Variants in SMCHD1 observed in about 807,000 individuals in gnomAD.
SMCHD1 encodes structural maintenance of chromosomes flexible hinge domain-containing protein 1.
SMCHD1 carries 78 observed loss-of-function variants against 254.7 expected under a neutral mutation model. That is an observed-to-expected ratio of 0.31 (90% CI 0.26 to 0.37). SMCHD1 has a LOEUF of 0.37. Ranked by LOEUF, SMCHD1 falls within the 10% of genes least tolerant of loss-of-function variation. The pLI is 1.00. For synonymous variants in SMCHD1, 766 were observed against 794.9 expected (o/e 0.96, Z 0.61); for missense variants, 1,840 against 2,408.1 (o/e 0.76, Z 4.94).
chr18:2,675,205 A>C (rs1346308579), intron 5 of SMCHD1, among the ~76,000 whole-genome samples: 1 of 152,096 alleles, frequency 6.6e-6, no homozygotes, highest in Non-Finnish European at 1.5e-5. Context: ...AACAGTCAAT[A>C]AATATAAGCT....
At position 2,803,562 on chromosome 18, in the gene SMCHD1, C is replaced by T. The variant is rs1054898079; in HGVS notation, c.*1010C>T. 2.0e-5 allele frequency: 3 copies of T among 152,160 alleles called. No homozygotes were observed. Among genetic ancestry groups the T allele is most frequent in the African/African-American group, 7.2e-5 (3 of 41,530 alleles). The allele number at this position is 152,160 out of a possible 1,614,324, so 9.4% of individuals were successfully genotyped here. ...CAGGAAATGTATGTGTTTTTAAACC[C>T]TTTCTAAATATGCAGGCCATTAATA... On this transcript the variant is annotated 3_prime_UTR_variant, in exon 48 of 48. Transcript: ENST00000320876.
intron 3 of SMCHD1, among the ~76,000 whole-genome samples, chr18:2,670,070 C>A (rs2073553932): frequency 6.6e-6 from 1 of 152,154 alleles, no homozygotes; most frequent in Non-Finnish European, 1.5e-5. Flanking sequence ...CATCCCTGTC[C>A]ATAAAAGGTT....
intron 37 of SMCHD1, among the ~76,000 whole-genome samples, chr18:2,766,922 TCAAA>T (rs1356031059): frequency 3.3e-5 from 5 of 152,148 alleles, no homozygotes; most frequent in African/African-American, 9.7e-5. Context: ...AGATTCCTCT[TCAAA>T]CAAGATAAAA....
Position 2,762,206 on chromosome 18 carries a change from C to G in SMCHD1, c.4536C>G (p.Thr1512=). ...VSNVRSVASR[T]LVRDLHLSIT... The stretch of plus-strand genomic sequence containing the variant: ...ATGTTCGCTCAGTTGCCAGTAGGAC[C>G]TTGGTCAGAGATCTACATCTTAGTA... The change falls in exon 36 of 48, where the codon ACC becomes ACG. Residue 1512 remains threonine (T), a synonymous_variant. Coordinates refer to ENST00000320876, the MANE Select transcript of SMCHD1 (RefSeq NM_015295.3). 3 of 1,613,496 alleles carry G rather than the reference C, an allele frequency of 1.9e-6. No individual in the cohort carries two copies. The highest frequency in any genetic ancestry group is 2.2e-5 in the East Asian group (1 of 44,830).
chr18:2,784,692 T>G, intron 45 of SMCHD1, 71 bp downstream of exon 45: 1 of 1,406,240 alleles, frequency 7.1e-7, no homozygotes, highest in Non-Finnish European at 9.6e-7. Flanking sequence ...GAGCTTATGT[T>G]TTGAGAATCT....
chr18:2,757,900 T>C (rs1276465712), intron 34 of SMCHD1, among the ~76,000 whole-genome samples: 1 of 152,096 alleles, frequency 6.6e-6, no homozygotes, highest in Admixed American at 6.6e-5. Context: ...ATTTTTTTCT[T>C]GCAAATTAAA....
At chr18:2,682,680 C>G (rs544329318) in intron 5 of SMCHD1, among the ~76,000 whole-genome samples, 1 of 152,264 alleles carries the variant, frequency 6.6e-6, no homozygotes, top group East Asian at 1.9e-4. Flanking sequence ...CAAAATTTCC[C>G]AAAGATTAAG....
rs532916542 is a variant in SMCHD1, at chr18:2,692,921, T to A, written c.874-1606T>A. 7.2e-4 allele frequency among the ~76,000 whole-genome samples: 109 copies of A among 152,374 alleles called. 1 individual carries two copies. Among genetic ancestry groups the A allele is most frequent in the Non-Finnish European group, 1.4e-3 (95 of 68,042 alleles). On this transcript the variant is annotated intron_variant, in intron 7 of 47. Transcript: ENST00000320876. ...CTTACAGAAGATGCTTGATAAATATTTGGATAATGAATTTGCATCGTTAGT... is the reference window on the plus strand; with the variant it reads ...CTTACAGAAGATGCTTGATAAATATATGGATAATGAATTTGCATCGTTAGT...
At chr18:2,656,407 T>G (rs1247751738) in intron 1 of SMCHD1, 146 bp downstream of exon 1, 2 of 785,798 alleles carry the variant, frequency 2.5e-6, no homozygotes, top group Non-Finnish European at 3.5e-6. Flanking sequence ...GTGCCCGCCA[T>G]GTCCGTGACC....
At chr18:2,716,890 G>T (rs62084228) in intron 17 of SMCHD1, among the ~76,000 whole-genome samples, 29,547 of 152,150 alleles carry the variant, frequency 0.19, 3,116 homozygotes, top group South Asian at 0.27. Context: ...TCCTGCCAGG[G>T]ACAAAAACCA....
chr18:2,748,515 C>T (rs1157951318), intron 30 of SMCHD1, among the ~76,000 whole-genome samples: 1 of 146,648 alleles, frequency 6.8e-6, no homozygotes, highest in African/African-American at 2.5e-5. Flanking sequence ...CTGCCTCCGC[C>T]TCCTGAGTAG....
At chr18:2,723,556 G>C (rs1019428833) in intron 20 of SMCHD1, among the ~76,000 whole-genome samples, 1 of 152,122 alleles carries the variant, frequency 6.6e-6, no homozygotes, top group African/African-American at 2.4e-5. Flanking sequence ...CTAGAGCAGG[G>C]AATAGTTTGG....
intron 34 of SMCHD1, among the ~76,000 whole-genome samples, chr18:2,758,923 A>T (rs1448439665): frequency 2.0e-5 from 3 of 151,866 alleles, no homozygotes; most frequent in Non-Finnish European, 4.4e-5. Flanking sequence ...AAATTTTGCC[A>T]TTCTTTTACC....
intron 45 of SMCHD1, among the ~76,000 whole-genome samples, chr18:2,789,264 C>T (rs2076283126): frequency 6.6e-6 from 1 of 151,456 alleles, no homozygotes; most frequent in African/African-American, 2.4e-5. Context: ...TGGTCTCAAA[C>T]TCCTGGTCCC....
intron 44 of SMCHD1, among the ~76,000 whole-genome samples, chr18:2,780,643 T>C (rs1325840430): frequency 6.6e-6 from 1 of 152,178 alleles, no homozygotes; most frequent in Non-Finnish European, 1.5e-5. Context: ...TAGTGTGCTA[T>C]TATGTGTTGA....
rs147991568 is a variant in SMCHD1, at chr18:2,672,985, T to A, written c.425-296T>A. ...TGATTTTATGGTTATGGTCTTCTGT[T>A]TGTCTCTTAATGTCTGTATGTCTGT... On this transcript the variant is annotated intron_variant, in intron 3 of 47. Transcript: ENST00000320876. The A allele has an allele frequency of 6.5e-6, 5 of 764,664 alleles. No homozygotes were observed. In the African/African-American group the frequency reaches 9.7e-5, roughly 15 times the overall value. 47.4% of individuals were successfully genotyped at this position (764,664 alleles called of 1,614,324 possible).
At chr18:2,776,362 C>T (rs2076066283) in intron 42 of SMCHD1, among the ~76,000 whole-genome samples, 1 of 151,994 alleles carries the variant, frequency 6.6e-6, no homozygotes. Context: ...GCTGGGACTA[C>T]AGGTGCATGC....
intron 21 of SMCHD1, 22 bp from the exon 22 acceptor site, chr18:2,726,430 T>A: frequency 7.2e-7 from 1 of 1,384,458 alleles, no homozygotes; most frequent in African/African-American, 1.5e-5. Context: ...TGGGTTTAAT[T>A]TTTACTGTTT....
At chr18:2,732,071 A>G (rs1256083850) in intron 24 of SMCHD1, among the ~76,000 whole-genome samples, 194 bp from the exon 25 acceptor site, 30 of 152,200 alleles carry the variant, frequency 2.0e-4, no homozygotes, top group Admixed American at 1.3e-4. Flanking sequence ...TATTTTAAGA[A>G]TGTGGCCACT....
Sources: allele counts gnomAD v4.1 joint callset (sites outside exome capture counted in the v4.1 genomes callset), GRCh38; gene constraint gnomAD v4.1.1; transcripts MANE v1.5; gene names NCBI Gene and HGNC (gene_info 2026-07-23, HGNC 2026-07-21).